The following KCNIP4 variants were observed in gnomAD, a reference collection of about 807,000 sequenced individuals.
The protein encoded by KCNIP4 is potassium voltage-gated channel interacting protein 4.
A neutral mutation model predicts 34.0 loss-of-function variants in KCNIP4; 12 were observed. That is an observed-to-expected ratio of 0.35 (90% CI 0.23 to 0.57). The LOEUF (loss-of-function observed/expected upper bound fraction) is 0.57, where lower values mean the gene tolerates loss of function less well. KCNIP4 is among the 20% of genes least tolerant of loss of function. The probability of loss-of-function intolerance (pLI) is 0.83; values close to 1 mark genes in which losing one functional copy is unlikely to be tolerated. For synonymous variants in KCNIP4, 124 were observed against 102.2 expected (o/e 1.21, Z -1.29); for missense variants, 238 against 311.7 (o/e 0.76, Z 1.78).
At chr4:21,947,087 G>A (rs116498023) in intron 1 of KCNIP4, among the ~76,000 whole-genome samples, 60 of 152,240 alleles carry the variant, frequency 3.9e-4, no homozygotes, top group African/African-American at 1.2e-3. Context: ...CTCCAGCCTT[G>A]AGTTCCCTGG....
At chr4:21,461,030 T>G (rs149986534) in intron 1 of KCNIP4, among the ~76,000 whole-genome samples, 1 of 152,212 alleles carries the variant, frequency 6.6e-6, no homozygotes, top group East Asian at 1.9e-4. Flanking sequence ...AGTCATATGG[T>G]TTGGCTCTGT....
intron 1 of KCNIP4, among the ~76,000 whole-genome samples, chr4:21,650,183 C>T (rs1275729339): frequency 6.6e-6 from 1 of 152,212 alleles, no homozygotes; most frequent in African/African-American, 2.4e-5. Flanking sequence ...AGAAAAGGAG[C>T]ATGAAATTTT....
intron 1 of KCNIP4, among the ~76,000 whole-genome samples, chr4:21,857,453 T>G (rs976118158): frequency 6.6e-6 from 1 of 152,012 alleles, no homozygotes; most frequent in African/African-American, 2.4e-5. Flanking sequence ...TGCTGAGAGC[T>G]GAGAAGATGA....
chr4:21,412,960 T>C (rs560982622), intron 1 of KCNIP4, among the ~76,000 whole-genome samples: 50 of 152,290 alleles, frequency 3.3e-4, no homozygotes, highest in African/African-American at 1.2e-3. Context: ...ACACATTGCC[T>C]CAGGGGGAGC....
chr4:21,796,040 G>A (rs147874022), intron 1 of KCNIP4, among the ~76,000 whole-genome samples: 2 of 152,204 alleles, frequency 1.3e-5, no homozygotes, highest in African/African-American at 4.8e-5. Flanking sequence ...CTGCACTTCA[G>A]TCTGGACTAC....
chr4:21,478,513 T>C (rs1018840652), intron 1 of KCNIP4, among the ~76,000 whole-genome samples: 2 of 152,090 alleles, frequency 1.3e-5, no homozygotes, highest in African/African-American at 4.8e-5. Flanking sequence ...GTTTTCCAAA[T>C]TGTTGAAGAA....
chr4:21,716,450 C>CTGGTCT (rs1277560858), intron 1 of KCNIP4, among the ~76,000 whole-genome samples: 1 of 151,878 alleles, frequency 6.6e-6, no homozygotes, highest in Non-Finnish European at 1.5e-5. Context: ...GTTGGCCACG[C>CTGGTCT]TGGTCTCAAA....
At chr4:20,782,041 T>G (rs967770368) in intron 3 of KCNIP4, among the ~76,000 whole-genome samples, 1 of 152,116 alleles carries the variant, frequency 6.6e-6, no homozygotes, top group African/African-American at 2.4e-5. Flanking sequence ...ACAGGGCCCT[T>G]GCAAGTCCAA....
chr4:21,876,151 T>C (rs1223549956), intron 1 of KCNIP4, among the ~76,000 whole-genome samples: 1 of 152,128 alleles, frequency 6.6e-6, no homozygotes, highest in Non-Finnish European at 1.5e-5. Context: ...AAAGTAAAAT[T>C]GTGACATAGT....
intron 1 of KCNIP4, among the ~76,000 whole-genome samples, chr4:21,491,683 T>C (rs1435318090): frequency 6.6e-6 from 1 of 152,166 alleles, no homozygotes; most frequent in East Asian, 1.9e-4. Context: ...TGAAATGACA[T>C]TGGAAATAGA....
intron 3 of KCNIP4, among the ~76,000 whole-genome samples, chr4:20,784,151 GAGAGT>G (rs1324633403): frequency 6.6e-6 from 1 of 152,172 alleles, no homozygotes; most frequent in Non-Finnish European, 1.5e-5. Flanking sequence ...TTAGCCACCT[GAGAGT>G]AGAGTTTCTA....
intron 1 of KCNIP4, among the ~76,000 whole-genome samples, chr4:21,892,550 T>TAAA (rs35105632): frequency 0.2 from 25,115 of 126,014 alleles, 2,889 homozygotes; most frequent in Non-Finnish European, 0.28. Context: ...AGCAAAAAAG[T>TAAA]AAAAAAAAAA....
At chr4:21,117,135 G>A (rs755924903) in intron 1 of KCNIP4, among the ~76,000 whole-genome samples, 1 of 152,066 alleles carries the variant, frequency 6.6e-6, no homozygotes, top group Non-Finnish European at 1.5e-5. Context: ...GCTTAGGCAG[G>A]TTGCTCAGTT....
At chr4:21,844,157 T>C (rs2109324747) in intron 1 of KCNIP4, 1 of 152,174 alleles carries the variant, frequency 6.6e-6, no homozygotes, top group Middle Eastern at 3.4e-3. Flanking sequence ...AAACTCACAG[T>C]ATTTCAGAAG....
chr4:21,587,580 T>C (rs1467968233), intron 1 of KCNIP4, among the ~76,000 whole-genome samples: 1 of 152,020 alleles, frequency 6.6e-6, no homozygotes, highest in Non-Finnish European at 1.5e-5. Flanking sequence ...ACCACAACAG[T>C]AATAATGGCT....
At chr4:21,405,047 A>G (rs2109566838) in intron 1 of KCNIP4, among the ~76,000 whole-genome samples, 1 of 152,188 alleles carries the variant, frequency 6.6e-6, no homozygotes, top group South Asian at 2.1e-4. Flanking sequence ...GGTTCATCTG[A>G]TCATCCCCTC....
chr4:21,812,900 G>A (rs1007233220), intron 1 of KCNIP4, among the ~76,000 whole-genome samples: 1 of 152,106 alleles, frequency 6.6e-6, no homozygotes, highest in African/African-American at 2.4e-5. Context: ...TTGGGATATA[G>A]GATTCCTATG....
chr4:21,432,901 A>G (rs970595428), intron 1 of KCNIP4, among the ~76,000 whole-genome samples: 29 of 152,254 alleles, frequency 1.9e-4, no homozygotes, highest in East Asian at 3.9e-4. Flanking sequence ...TCGTCATTCT[A>G]TTACCAGAAT....
Position 21,936,314 on chromosome 4 carries a change from C to T in KCNIP4, c.61+12257G>A, listed in dbSNP as rs145228951. Among the ~76,000 whole-genome samples, 804 of 152,152 alleles carry T rather than the reference C, an allele frequency of 5.3e-3. 4 individuals carry two copies. Among genetic ancestry groups the T allele is most frequent in the Non-Finnish European group, 7.4e-3 (506 of 67,976 alleles). On this transcript the variant is annotated intron_variant, in intron 1 of 8. Transcript: ENST00000382152. ...ATCTGATGGTTTTATAAGGGGCTTC[C>T]GCTTTTGCTTGGCTCTCGTTCTCTT...
Sources: allele counts gnomAD v4.1 joint callset (sites outside exome capture counted in the v4.1 genomes callset), GRCh38; gene constraint gnomAD v4.1.1; transcripts MANE v1.5; gene names NCBI Gene and HGNC (gene_info 2026-07-23, HGNC 2026-07-21).